Variants in FAF1 observed in about 807,000 individuals in gnomAD.
The protein encoded by FAF1 is FAS-associated factor 1.
A neutral mutation model predicts 92.5 loss-of-function variants in FAF1; 25 were observed. The ratio of observed to expected loss-of-function variants is 0.27; its 90% CI spans 0.20 to 0.38. FAF1 has a LOEUF of 0.38. Among genes scored for constraint, FAF1 ranks in the 10% least tolerant of loss-of-function variants. FAF1 has a pLI of 1.00. For synonymous variants in FAF1, 234 were observed against 273.2 expected (o/e 0.86, Z 1.42); for missense variants, 636 against 793.3 (o/e 0.80, Z 2.38).
At chr1:50,478,295 C>T (rs1276991220) in intron 17 of FAF1, among the ~76,000 whole-genome samples, 1 of 151,968 alleles carries the variant, frequency 6.6e-6, no homozygotes, top group Non-Finnish European at 1.5e-5. Context: ...TCCCGAGTAG[C>T]TGGGATTACA....
At chr1:50,516,494 G>A (rs929094895) in intron 15 of FAF1, among the ~76,000 whole-genome samples, 4 of 152,088 alleles carry the variant, frequency 2.6e-5, no homozygotes, top group Admixed American at 6.6e-5. Flanking sequence ...AATTTTTCTT[G>A]GACCGAAATA....
rs772011100 is a variant in FAF1 at position 50,596,187 on chromosome 1, A to G, written c.774T>C (p.Tyr258=). The change falls in exon 9 of 19, where the codon TAT becomes TAC. Residue 258 remains tyrosine (Y), a synonymous_variant. Transcript: ENST00000396153. ...TTCCCACTGTAAGTCGATGGCAGGG[A>G]TAAGAGAGCCCTGATTCAGCAAGAC... The part of the protein sequence containing the change: ...SMCLAESGLS[Y]PCHRLTVGRR... 126 of 1,613,806 alleles carry G rather than the reference A, an allele frequency of 7.8e-5. No homozygotes were observed. The highest frequency in any genetic ancestry group is 5.5e-4 in the Admixed American group (33 of 60,018).
intron 7 of FAF1, among the ~76,000 whole-genome samples, chr1:50,678,422 T>G (rs1284182483): frequency 1.3e-5 from 2 of 152,172 alleles, no homozygotes; most frequent in East Asian, 3.8e-4. Flanking sequence ...CCTTTGTAAT[T>G]TACACATTTG....
chr1:50,794,646 AG>A (rs1437303605), intron 3 of FAF1, among the ~76,000 whole-genome samples: 1 of 152,214 alleles, frequency 6.6e-6, no homozygotes, highest in African/African-American at 2.4e-5. Flanking sequence ...GTTTGGAGAC[AG>A]AGTTTCACTC....
At chr1:50,683,265 GCCTGTAATCCCAGC>G (rs1557473156) in intron 7 of FAF1, among the ~76,000 whole-genome samples, 3 of 151,594 alleles carry the variant, frequency 2.0e-5, no homozygotes, top group African/African-American at 7.3e-5. Flanking sequence ...GGTGGCTCAC[GCCTGTAATCCCAGC>G]ACTTTGGGAG....
chr1:50,593,620 T>G (rs556964282), intron 9 of FAF1, among the ~76,000 whole-genome samples: 144 of 152,340 alleles, frequency 9.5e-4, no homozygotes, highest in African/African-American at 3.3e-3. Flanking sequence ...AAAAAATGGT[T>G]TGGTCTCTTG....
rs200438185 is a variant in FAF1, at chr1:50,931,875, A to AAAAT, written c.45+27888_45+27891dup. Among the ~76,000 whole-genome samples, 808 of 115,544 alleles carry AAAAT rather than the reference A, an allele frequency of 7.0e-3. 7 individuals are homozygous for AAAAT. Among genetic ancestry groups the AAAAT allele is most frequent in the African/African-American group, 0.017 (507 of 30,392 alleles). The allele number at this position is 115,544 out of a possible 152,430, so 75.8% of individuals were successfully genotyped here. A position where few individuals can be genotyped will look rare whatever the true frequency, so the allele number is the denominator to read the frequency against. On this transcript the variant is annotated intron_variant, in intron 1 of 18. Coordinates refer to ENST00000396153, the MANE Select transcript of FAF1 (RefSeq NM_007051.3). ...GGTGACAGAGCAAGACTCTGTCTCA[A>AAAAT]AAATAAATAAATAAATAATAATAAT...
intron 1 of FAF1, among the ~76,000 whole-genome samples, chr1:50,929,497 G>A (rs1030417337): frequency 2.8e-4 from 42 of 152,210 alleles, no homozygotes; most frequent in African/African-American, 9.4e-4. Context: ...TTTACACACT[G>A]TTTATATTAT....
At chr1:50,899,863 AT>A (rs774926158) in intron 1 of FAF1, among the ~76,000 whole-genome samples, 30 of 152,098 alleles carry the variant, frequency 2.0e-4, no homozygotes, top group Non-Finnish European at 3.8e-4. Flanking sequence ...TATTAGGGCT[AT>A]TTTCCCCCCT....
intron 7 of FAF1, among the ~76,000 whole-genome samples, chr1:50,680,528 C>G (rs935447045): frequency 1.3e-5 from 2 of 151,922 alleles, no homozygotes; most frequent in Non-Finnish European, 1.5e-5. Flanking sequence ...ACTAAAAATA[C>G]AAAAATTAGG....
chr1:50,563,549 T>A (rs1442225801), intron 13 of FAF1, among the ~76,000 whole-genome samples: 2 of 152,206 alleles, frequency 1.3e-5, no homozygotes, highest in Non-Finnish European at 2.9e-5. Context: ...TGTACAATAT[T>A]TTCCAAGGAA....
At chr1:50,675,042 C>A (rs1274495603) in intron 7 of FAF1, among the ~76,000 whole-genome samples, 1 of 152,142 alleles carries the variant, frequency 6.6e-6, no homozygotes, top group African/African-American at 2.4e-5. Flanking sequence ...AAGTGCCCAC[C>A]ACCATACCTG....
At chr1:50,798,240 G>A (rs943457586) in intron 3 of FAF1, among the ~76,000 whole-genome samples, 1 of 152,104 alleles carries the variant, frequency 6.6e-6, no homozygotes, top group Non-Finnish European at 1.5e-5. Context: ...TAATGGTCAA[G>A]GTTTGAAAAT....
At chr1:50,628,612 G>C (rs185252341) in intron 8 of FAF1, among the ~76,000 whole-genome samples, 36 of 152,280 alleles carry the variant, frequency 2.4e-4, no homozygotes, top group African/African-American at 7.9e-4. Context: ...GATGTCAAAA[G>C]CTTAAAAGTG....
chr1:50,767,341 G>A lies in FAF1; in HGVS notation c.367+20659C>T, dbSNP rs542462411. Among the ~76,000 whole-genome samples the A allele has an allele frequency of 1.8e-4, 27 of 152,220 alleles. No individual in the cohort carries two copies. In the South Asian group the frequency reaches 5.0e-3, roughly 28 times the overall value. On this transcript the variant is annotated intron_variant, in intron 4 of 18. Coordinates refer to ENST00000396153, the MANE Select transcript of FAF1 (RefSeq NM_007051.3). ...TAAGAGACCACATCTACATCTCACT[G>A]GTGTCCCTGAAAAAGAGGGAGAGAA...
chr1:50,472,509 C>T (rs1159429826), intron 18 of FAF1, among the ~76,000 whole-genome samples: 1 of 151,616 alleles, frequency 6.6e-6, no homozygotes, highest in Non-Finnish European at 1.5e-5. Flanking sequence ...TTTGGTTGTC[C>T]TACAGTGCTC....
intron 1 of FAF1, among the ~76,000 whole-genome samples, chr1:50,912,456 T>C (rs577448493): frequency 5.3e-5 from 8 of 152,274 alleles, no homozygotes; most frequent in African/African-American, 1.7e-4. Context: ...ACCTGCCCCA[T>C]CTAGGTGGTG....
chr1:50,618,398 T>C (rs1263327080), intron 8 of FAF1, among the ~76,000 whole-genome samples: 4 of 151,018 alleles, frequency 2.6e-5, no homozygotes, highest in African/African-American at 9.7e-5. Flanking sequence ...ATCCATCTGT[T>C]TGTGTAGTTT....
chr1:50,724,820 AT>A (rs201378113), intron 6 of FAF1, among the ~76,000 whole-genome samples: 7 of 151,914 alleles, frequency 4.6e-5, no homozygotes, highest in African/African-American at 1.5e-4. Context: ...GTTCTCTACC[AT>A]TTTTTTTACC....
Sources: allele counts gnomAD v4.1 joint callset (sites outside exome capture counted in the v4.1 genomes callset), GRCh38; gene constraint gnomAD v4.1.1; transcripts MANE v1.5; gene names NCBI Gene and HGNC (gene_info 2026-07-23, HGNC 2026-07-21).